NUMA1: variants seen among roughly 807,000 people sequenced by gnomAD.
NUMA1 encodes the protein nuclear mitotic apparatus protein 1, also known as SP-H antigen.
Under a neutral mutation model 237.1 loss-of-function variants are expected in NUMA1, and 62 were observed. The ratio of observed to expected loss-of-function variants is 0.26; its 90% confidence interval spans 0.21 to 0.32. The LOEUF is 0.32. Among genes scored for constraint, NUMA1 ranks in the 10% least tolerant of loss-of-function variants. NUMA1 has a pLI of 1.00. For missense variants in NUMA1, 2,533 were observed against 2,666.5 expected, an observed-to-expected ratio of 0.95 and a Z score of 1.10; for synonymous variants, 1,028 against 1,066.1, an observed-to-expected ratio of 0.96 and a Z score of 0.70.
chr11:72,046,722 G>T (rs1479604903), intron 2 of NUMA1, among the ~76,000 whole-genome samples: 1 of 152,120 alleles, frequency 6.6e-6, no homozygotes, highest in Non-Finnish European at 1.5e-5. Flanking sequence ...AACTTTGGGA[G>T]GTCGAGGTGG....
chr11:72,005,153 A>G, intron 23 of NUMA1, 80 bp downstream of exon 23: 1 of 1,418,010 alleles, frequency 7.1e-7, no homozygotes, highest in South Asian at 1.4e-5. Context: ...CCAGGGCCCT[A>G]GTGCTCAGGC....
chr11:72,038,204 A>C (rs1487133787), intron 2 of NUMA1, among the ~76,000 whole-genome samples: 1 of 152,130 alleles, frequency 6.6e-6, no homozygotes, highest in Admixed American at 6.6e-5. Flanking sequence ...CCCCCTTTGA[A>C]AGACTCACAG....
At chr11:72,005,646 A>C (rs1219023491) in intron 22 of NUMA1, 7 of 515,680 alleles carry the variant, frequency 1.4e-5, no homozygotes, top group Non-Finnish European at 2.4e-5. Context: ...GCCAACACCC[A>C]GAGGAACAAA....
chr11:72,072,040 T>C (rs1237737389), intron 1 of NUMA1, among the ~76,000 whole-genome samples: 1 of 152,116 alleles, frequency 6.6e-6, no homozygotes, highest in East Asian at 1.9e-4. Flanking sequence ...TTGCTGCAGC[T>C]CATGAGGGGT....
chr11:72,070,679 G>A (rs562133926), intron 1 of NUMA1, among the ~76,000 whole-genome samples: 2 of 152,126 alleles, frequency 1.3e-5, no homozygotes, highest in Non-Finnish European at 2.9e-5. Context: ...GTGGTGGAGT[G>A]TGCCTGGGTC....
chr11:72,014,125 C>T lies in NUMA1; in HGVS notation c.3378G>A (p.Arg1126=). The T allele has an allele frequency of 6.2e-7, 1 of 1,612,378 alleles. No individual in the cohort carries two copies. Among genetic ancestry groups the T allele is most frequent in the Non-Finnish European group, 8.5e-7 (1 of 1,180,046 alleles). ...GCTGTTCCAGCTTGCTCACCTCTGC[C>T]CGCAGTGCCTCCAGCTTGGGGCCTG... The part of the protein sequence containing the change: ...EPTGPKLEAL[R]AEVSKLEQQC... The change falls in exon 15 of 27, where the codon CGG becomes CGA. Residue 1126 remains arginine (R), a synonymous_variant. Transcript: ENST00000393695. This position sits in a 1 kb window ranked among gnomAD's most constrained non-coding sequence, Gnocchi z 4.6.
chr11:72,033,921 C>A (rs1309040342), intron 3 of NUMA1, among the ~76,000 whole-genome samples: 1 of 152,012 alleles, frequency 6.6e-6, no homozygotes, highest in African/African-American at 2.4e-5. Context: ...AAGTTTGAGA[C>A]CAGCCTGGGC....
chr11:72,029,426 T>C lies in NUMA1; in HGVS notation c.43-136A>G, dbSNP rs1460414267. On this transcript the variant is annotated intron_variant, in intron 3 of 26. Transcript: ENST00000393695. ...AACTGATGATTCTCAGGTTTTTAAT[T>C]TCAGGAAGGAGTGCCGTTGCACTCA... The C allele has an allele frequency of 6.0e-6, 3 of 501,572 alleles. No homozygotes were observed. The Admixed American group carries it at 1.1e-4, about 18-fold the overall frequency. 31.1% of individuals were successfully genotyped at this position (501,572 alleles called of 1,614,324 possible). A position where few individuals can be genotyped will look rare whatever the true frequency, so the allele number is the denominator to read the frequency against.
chr11:72,051,071 T>C (rs1942324079), intron 2 of NUMA1, among the ~76,000 whole-genome samples: 1 of 152,078 alleles, frequency 6.6e-6, no homozygotes, highest in South Asian at 2.1e-4. Context: ...TAATTTTTAG[T>C]AGCGATGAAG....
chr11:72,014,887 G>T lies in NUMA1; in HGVS notation c.2616C>A (p.Asn872Lys), dbSNP rs769055169. ...HSELQISRQQ[N>K]ELAELHANLA... ...GGTTGGCATGGAGCTCAGCTAGTTC[G>T]TTCTGCTGCCGGCTTATCTGGAGCT... The change falls in exon 15 of 27, where the codon AAC (asparagine) becomes AAA (lysine). Residue 872 changes from asparagine to lysine, a missense_variant. Transcript: ENST00000393695. This position sits in a 1 kb window ranked among gnomAD's most constrained non-coding sequence, Gnocchi z 4.6. The T allele has an allele frequency of 6.2e-6, 10 of 1,614,124 alleles. No homozygotes were observed. Among genetic ancestry groups the T allele is most frequent in the Non-Finnish European group, 8.5e-6 (10 of 1,180,052 alleles).
At position 72,015,673 on chromosome 11, in the gene NUMA1, C is replaced by T. The variant is rs774523331; in HGVS notation, c.1830G>A (p.Glu610=). The T allele has an allele frequency of 6.2e-7, 1 of 1,613,978 alleles. No homozygotes were observed. The highest frequency in any genetic ancestry group is 8.5e-7 in the Non-Finnish European group (1 of 1,180,040). Residue 610 remains glutamate, a synonymous_variant, in exon 15 of 27, where the codon GAG becomes GAA. Coordinates refer to ENST00000393695, the MANE Select transcript of NUMA1 (RefSeq NM_006185.4). This position sits in a 1 kb window ranked among gnomAD's most constrained non-coding sequence, Gnocchi z 4.0. ...TCTCCAGCTTGGCAGCCTTCTCCTTCTCCAGTGCCTCCAGCTGCTTGAGAG... is the reference window on the plus strand; with the variant it reads ...TCTCCAGCTTGGCAGCCTTCTCCTTTTCCAGTGCCTCCAGCTGCTTGAGAG... ...DAALKQLEAL[E]KEKAAKLEIL... is the part of the protein sequence containing the mutation.
Position 72,049,560 on chromosome 11 carries a change from A to AAATATAT in NUMA1, c.-32-13586_-32-13585insATATATT, listed in dbSNP as rs1555034474. ...CCTGTCTAAAAAAAAAAATAATAATAATATATATATATATATATATATAGT... is the reference window on the plus strand; with the variant it reads ...CCTGTCTAAAAAAAAAAATAATAATAAATATATATATATATATATATATATATATAGT... On this transcript the variant is annotated intron_variant, in intron 2 of 26. Coordinates refer to ENST00000393695, the MANE Select transcript of NUMA1 (RefSeq NM_006185.4). 1.7e-4 allele frequency: 7 copies of AAATATAT among 41,016 alleles called. 1 individual carries two copies. Among genetic ancestry groups the AAATATAT allele is most frequent in the African/African-American group, 5.1e-4 (6 of 11,836 alleles). The allele number at this position is 41,016 out of a possible 1,614,324, so 2.5% of individuals were successfully genotyped here.
At chr11:72,075,882 T>C (rs1163891806) in intron 1 of NUMA1, among the ~76,000 whole-genome samples, 1 of 152,154 alleles carries the variant, frequency 6.6e-6, no homozygotes, top group Admixed American at 6.5e-5. Context: ...GTCCTAGCCG[T>C]GTATGGAATT....
chr11:72,036,714 T>C (rs928197812), intron 2 of NUMA1, among the ~76,000 whole-genome samples: 4 of 152,168 alleles, frequency 2.6e-5, no homozygotes, highest in Non-Finnish European at 4.4e-5. Flanking sequence ...GGAGATCCCA[T>C]GGGACATTTA....
intron 1 of NUMA1, among the ~76,000 whole-genome samples, chr11:72,075,351 T>A (rs1357026723): frequency 6.6e-6 from 1 of 152,158 alleles, no homozygotes; most frequent in Non-Finnish European, 1.5e-5. Flanking sequence ...ACTTCCTCCT[T>A]CTTGTAGCCT....
At position 72,015,236 on chromosome 11, in the gene NUMA1, T is replaced by A. The variant is rs1956441558; in HGVS notation, c.2267A>T (p.Glu756Val). The change falls in exon 15 of 27, where the codon GAG (glutamate) becomes GTG (valine). Residue 756 changes from glutamate (E) to valine (V), a missense_variant. Physicochemically the swap from Glu to Val is moderately radical, Grantham distance 121. This residue lies in a region of NUMA1 where 1,414 missense variants were observed against 1,508.1 expected (regional missense o/e 0.94). Coordinates refer to ENST00000393695, the MANE Select transcript of NUMA1 (RefSeq NM_006185.4). This position sits in a 1 kb window ranked among gnomAD's most constrained non-coding sequence, Gnocchi z 4.0. ...LVEQHKRERK[E>V]LEEERAGRKG... ...GCGCCCAGCCCTCTCTTCTTCCAGC[T>A]CCTTTCGTTCCCGCTTATGCTGCTC... The A allele has an allele frequency of 1.9e-6, 3 of 1,613,570 alleles. No homozygotes were observed. The highest frequency in any genetic ancestry group is 1.7e-6 in the Non-Finnish European group (2 of 1,180,022).
rs765468955 is a variant in NUMA1 at position 72,021,174 on chromosome 11, G to A, written c.460+30C>T. The A allele has an allele frequency of 7.1e-6, 11 of 1,543,240 alleles. No homozygotes were observed. The African/African-American group carries it at 1.5e-4, about 21-fold the overall frequency. The stretch of plus-strand genomic sequence containing the variant: ...CTAGTATTCCCCATTTCAGAGATGA[G>A]GGGATTCTCAGGAGTGTGTACCTAC... On this transcript the variant is annotated intron_variant, in intron 8 of 26. Transcript: ENST00000393695.
chr11:72,004,448 C>T, intron 24 of NUMA1, 107 bp from the exon 25 acceptor site: 2 of 1,230,376 alleles, frequency 1.6e-6, no homozygotes, highest in South Asian at 2.5e-5. Context: ...CAACGTGCAA[C>T]CTGCTCCCCT....
rs1364145197 is a variant in NUMA1, at chr11:72,015,105, C to T, written c.2398G>A (p.Glu800Lys). The T allele has an allele frequency of 1.9e-6, 3 of 1,613,662 alleles. No individual in the cohort carries two copies. Among genetic ancestry groups the T allele is most frequent in the Admixed American group, 1.7e-5 (1 of 60,012 alleles). Residue 800 changes from glutamate to lysine, a missense_variant, in exon 15 of 27, where the codon GAG (glutamate) becomes AAG (lysine). This residue lies in a region of NUMA1 where 1,414 missense variants were observed against 1,508.1 expected (regional missense o/e 0.94). Coordinates refer to ENST00000393695, the MANE Select transcript of NUMA1 (RefSeq NM_006185.4). This position sits in a 1 kb window ranked among gnomAD's most constrained non-coding sequence, Gnocchi z 4.0. ...AEAMAAQHTA[E>K]SECEQLVKEV... ...TTGACGAGCTGCTCACACTCACTCT[C>T]AGCTGTGTGCTGGGCAGCCATGGCC...
Sources: gnomAD v4.1 joint callset for allele counts (sites outside exome capture counted in the v4.1 genomes callset) on GRCh38, gnomAD v4.1.1 for gene constraint, gnomAD v4.1.1 regional missense constraint, Gnocchi (gnomAD v3.1) non-coding constraint, MANE v1.5 for transcripts, NCBI Gene and HGNC (gene_info 2026-07-23, HGNC 2026-07-21) for gene names.